EXOC3: variants seen among roughly 807,000 people sequenced by gnomAD.
EXOC3 encodes the protein SEC6-like 1.
A neutral mutation model predicts 73.7 loss-of-function variants in EXOC3; 21 were observed. The ratio of observed to expected loss-of-function variants is 0.29; its 90% CI spans 0.20 to 0.41. The LOEUF (loss-of-function observed/expected upper bound fraction) is 0.41. Among genes scored for constraint, EXOC3 ranks in the 10% least tolerant of loss-of-function variants. EXOC3 has a pLI of 1.00. For synonymous variants in EXOC3, 410 were observed against 389.1 expected (o/e 1.05, Z -0.63); for missense variants, 842 against 985.1 (o/e 0.85, Z 1.95).
At chr5:452,760 C>T (rs1213798115) in intron 3 of EXOC3, among the ~76,000 whole-genome samples, 1 of 152,252 alleles carries the variant, frequency 6.6e-6, no homozygotes, top group South Asian at 2.1e-4. Flanking sequence ...GAGCCTATGC[C>T]TTTGCCTGGG....
At chr5:454,586 T>G (rs1335681280) in intron 4 of EXOC3, among the ~76,000 whole-genome samples, 2 of 152,218 alleles carry the variant, frequency 1.3e-5, no homozygotes, top group African/African-American at 4.8e-5. Flanking sequence ...TCGAGGAAAC[T>G]CCATCATCCT....
At chr5:454,701 G>T (rs999590366) in intron 4 of EXOC3, among the ~76,000 whole-genome samples, 1 of 151,962 alleles carries the variant, frequency 6.6e-6, no homozygotes, top group Admixed American at 6.6e-5. Context: ...CAGTGGTGGG[G>T]GTATTCTGAA....
At chr5:460,553 C>T (rs1737954659) in intron 7 of EXOC3, among the ~76,000 whole-genome samples, 1 of 152,122 alleles carries the variant, frequency 6.6e-6, no homozygotes, top group South Asian at 2.1e-4. Context: ...ACAGGGGTCA[C>T]AGCTGAGTCC....
rs758222034 is a variant in EXOC3 at position 464,322 on chromosome 5, G to A, written c.1686G>A (p.Trp562Ter). 6.2e-7 allele frequency: 1 copy of A among 1,613,454 alleles called. No individual in the cohort carries two copies. The highest frequency in any genetic ancestry group is 8.5e-7 in the Non-Finnish European group (1 of 1,179,426). ...TGAATGAATTGATGACGAAGAAGTG[G>A]CTATTAGGGTCAAACGCTGTAGACA... ...QHLNELMTKK[W>*]LLGSNAVDII... Residue 562 changes from tryptophan to a stop codon, truncating the protein, a stop_gained, in exon 10 of 13, where the codon TGG (tryptophan) becomes TGA (stop). Transcript: ENST00000512944. LOFTEE classifies it high-confidence loss of function.
intron 3 of EXOC3, among the ~76,000 whole-genome samples, chr5:448,843 G>A (rs897367930): frequency 6.6e-6 from 1 of 152,202 alleles, no homozygotes; most frequent in Non-Finnish European, 1.5e-5. Flanking sequence ...GATCCGTAGG[G>A]TCACATGTGT....
At chr5:456,202 G>C (rs1177706107) in intron 4 of EXOC3, among the ~76,000 whole-genome samples, 1 of 152,178 alleles carries the variant, frequency 6.6e-6, no homozygotes, top group Non-Finnish European at 1.5e-5. Flanking sequence ...TATAGTGTTT[G>C]CACGTAACCT....
chr5:461,799 TC>T (rs1483537712), intron 7 of EXOC3, 160 bp from the exon 8 acceptor site: 1 of 607,782 alleles, frequency 1.6e-6, no homozygotes, highest in Non-Finnish European at 3.0e-6. Flanking sequence ...TCTCTGTCCT[TC>T]CATTAGTCTG....
At chr5:446,806 G>A (rs189804199) in intron 2 of EXOC3, among the ~76,000 whole-genome samples, 3 of 151,998 alleles carry the variant, frequency 2.0e-5, no homozygotes, top group Non-Finnish European at 4.4e-5. Context: ...GCGGTGAGCC[G>A]AGATGGTGCC....
intron 3 of EXOC3, among the ~76,000 whole-genome samples, chr5:448,743 T>C (rs1235740257): frequency 6.6e-6 from 1 of 152,234 alleles, no homozygotes; most frequent in East Asian, 1.9e-4. Context: ...CCGTCCACCC[T>C]GTCCTCTCTG....
At chr5:456,604 G>A (rs1373889936) in intron 4 of EXOC3, among the ~76,000 whole-genome samples, 2 of 152,236 alleles carry the variant, frequency 1.3e-5, no homozygotes, top group African/African-American at 4.8e-5. Flanking sequence ...TGGTCTCGGA[G>A]CCAGTGGGTG....
chr5:459,595 T>C (rs1364119881), intron 7 of EXOC3, 136 bp downstream of exon 7: 1 of 526,754 alleles, frequency 1.9e-6, no homozygotes, highest in African/African-American at 2.0e-5. Flanking sequence ...ACTCCTGTGT[T>C]CTTCAAAAGC....
At chr5:457,871 T>C in intron 5 of EXOC3, 29 bp from the exon 6 acceptor site, 1 of 1,590,376 alleles carries the variant, frequency 6.3e-7, no homozygotes, top group South Asian at 1.1e-5. Flanking sequence ...TTCTCTCTTC[T>C]CTTCTCCATG....
At chr5:443,850 C>T (rs918245273) in intron 1 of EXOC3, among the ~76,000 whole-genome samples, 2 of 152,126 alleles carry the variant, frequency 1.3e-5, no homozygotes, top group Non-Finnish European at 2.9e-5. Flanking sequence ...AGGTGTCCCC[C>T]CTCGGACCAG....
intron 6 of EXOC3, 93 bp downstream of exon 6, chr5:458,118 C>A (rs1442260583): frequency 7.5e-7 from 1 of 1,332,800 alleles, no homozygotes; most frequent in Non-Finnish European, 1.0e-6. Flanking sequence ...CTGGGATCTT[C>A]ATCCACAGAG....
At chr5:463,232 A>G (rs972903137) in intron 9 of EXOC3, among the ~76,000 whole-genome samples, 2 of 152,228 alleles carry the variant, frequency 1.3e-5, no homozygotes, top group Non-Finnish European at 2.9e-5. Context: ...GAGAACAGAA[A>G]TGTGTGTGGA....
rs1737721144 is a variant in EXOC3 at position 453,707 on chromosome 5, C to T, written c.702C>T (p.Gly234=). 6.2e-7 allele frequency: 1 copy of T among 1,613,904 alleles called. No individual in the cohort carries two copies. Among genetic ancestry groups the T allele is most frequent in the Middle Eastern group, 1.6e-4 (1 of 6,062 alleles). The part of the protein sequence containing the change: ...RRILDRKKQT[G]FVPPGRPKNW... ...TACTTGACCGGAAAAAGCAAACTGG[C>T]TTTGTTCCTCCTGGGAGGCCCAAGA... is the stretch of plus-strand genomic sequence containing the variant. The change falls in exon 4 of 13, where the codon GGC becomes GGT. Residue 234 remains glycine (G), a synonymous_variant. Coordinates refer to ENST00000512944, the MANE Select transcript of EXOC3 (RefSeq NM_007277.5).
intron 4 of EXOC3, among the ~76,000 whole-genome samples, chr5:455,141 A>G (rs1312478655): frequency 2.0e-5 from 3 of 152,100 alleles, no homozygotes; most frequent in Non-Finnish European, 4.4e-5. Context: ...TAGCCTTGAC[A>G]GTGCAGGTCT....
At chr5:443,630 C>A (rs902938326) in intron 1 of EXOC3, among the ~76,000 whole-genome samples, 3 of 151,608 alleles carry the variant, frequency 2.0e-5, no homozygotes, top group African/African-American at 7.3e-5. Context: ...GCACAGGTGT[C>A]CCCCCTCGGA....
chr5:455,655 TTTTTAA>T (rs1737788995), intron 4 of EXOC3, among the ~76,000 whole-genome samples: 1 of 152,138 alleles, frequency 6.6e-6, no homozygotes, highest in Non-Finnish European at 1.5e-5. Flanking sequence ...TTAAAAAAAC[TTTTTAA>T]TTTTAATTTT....
Sources: allele counts gnomAD v4.1 joint callset (sites outside exome capture counted in the v4.1 genomes callset), GRCh38; gene constraint gnomAD v4.1.1; transcripts MANE v1.5; gene names NCBI Gene and HGNC (gene_info 2026-07-23, HGNC 2026-07-21).